The following COPS5 variants were observed in gnomAD, a reference collection of about 807,000 sequenced individuals.
COPS5 encodes COP9 signalosome complex subunit 5.
A neutral mutation model predicts 44.4 loss-of-function variants in COPS5; 8 were observed. That is an observed-to-expected ratio of 0.18 (90% CI 0.11 to 0.32). COPS5 has a LOEUF of 0.32. Ranked by LOEUF, COPS5 falls within the 10% of genes least tolerant of loss-of-function variation. COPS5 has a pLI of 1.00. For synonymous variants in COPS5, 122 were observed against 142.8 expected (o/e 0.85, Z 1.04); for missense variants, 159 against 406.4 (o/e 0.39, Z 5.23).
At chr8:67,052,210 T>C (rs1417242904) in intron 5 of COPS5, among the ~76,000 whole-genome samples, 1 of 151,986 alleles carries the variant, frequency 6.6e-6, no homozygotes, top group Non-Finnish European at 1.5e-5. Flanking sequence ...AGGTGTAGGG[T>C]AAACATTTTT....
At chr8:67,055,923 A>T (rs77590777) in intron 5 of COPS5, among the ~76,000 whole-genome samples, 1 of 151,872 alleles carries the variant, frequency 6.6e-6, no homozygotes, top group African/African-American at 2.4e-5. Flanking sequence ...TTACACTTTT[A>T]TAACTTTGAC....
intron 6 of COPS5, among the ~76,000 whole-genome samples, chr8:67,047,050 A>G (rs1318242247): frequency 2.6e-5 from 4 of 152,138 alleles, no homozygotes; most frequent in Admixed American, 2.6e-4. Context: ...TTTATGGGGT[A>G]TCACTTTTTA....
At chr8:67,061,725 C>A (rs1444215500) in intron 1 of COPS5, 129 bp downstream of exon 1, 2 of 916,340 alleles carry the variant, frequency 2.2e-6, no homozygotes, top group Non-Finnish European at 3.4e-6. Context: ...ACTTGCAGAT[C>A]CAAGACGCAT....
intron 6 of COPS5, 140 bp downstream of exon 6, chr8:67,051,090 T>G (rs1804406692): frequency 1.6e-6 from 1 of 627,356 alleles, no homozygotes; most frequent in South Asian, 1.9e-5. Flanking sequence ...AATCCAGCTG[T>G]GGTGGTGCAG....
chr8:67,048,690 G>A (rs1016656516), intron 6 of COPS5, among the ~76,000 whole-genome samples: 62 of 149,840 alleles, frequency 4.1e-4, no homozygotes, highest in African/African-American at 1.3e-3. Context: ...CACTCCAGCC[G>A]GGGTGACAGA....
chr8:67,056,020 G>T (rs1348055036), intron 5 of COPS5, among the ~76,000 whole-genome samples: 1 of 152,138 alleles, frequency 6.6e-6, no homozygotes, highest in Non-Finnish European at 1.5e-5. Flanking sequence ...TTTGAGGGCT[G>T]CAGACATGCT....
intron 6 of COPS5, among the ~76,000 whole-genome samples, chr8:67,048,360 C>T (rs1816726222): frequency 6.6e-6 from 1 of 150,820 alleles, no homozygotes; most frequent in Non-Finnish European, 1.5e-5. Flanking sequence ...AAAAAAAGAA[C>T]AGAAAGCTTG....
At chr8:67,047,856 GCCTCTAAGGAA>G (rs754045661) in intron 6 of COPS5, 1 of 702,488 alleles carries the variant, frequency 1.4e-6, no homozygotes, top group Non-Finnish European at 2.6e-6. Flanking sequence ...TAATATACTT[GCCTCTAAGGAA>G]ACAACACATA....
intron 7 of COPS5, chr8:67,045,462 AAAG>A (rs1816688550): frequency 6.0e-6 from 1 of 167,330 alleles, no homozygotes; most frequent in Admixed American, 6.1e-5. Flanking sequence ...TCAAAAAAAA[AAAG>A]AAATCCTAGT....
At position 67,061,976 on chromosome 8, in the gene COPS5, A is replaced by C. The variant is rs565047592; in HGVS notation, c.21T>G (p.Gly7=). The C allele has an allele frequency of 6.2e-7, 1 of 1,614,158 alleles. No individual in the cohort carries two copies. Among genetic ancestry groups the C allele is most frequent in the African/African-American group, 1.3e-5 (1 of 75,036 alleles). MAASGS[G]MAQKTWELAN... ...CCAGTTCCCAGGTTTTCTGGGCCAT[A>C]CCGCTCCCGGACGCCGCCATCGCCG... The change falls in exon 1 of 8, where the codon GGT becomes GGG. Residue 7 remains glycine, a synonymous_variant. Coordinates refer to ENST00000357849, the MANE Select transcript of COPS5 (RefSeq NM_006837.3).
At chr8:67,052,419 A>ATT (rs1284831418) in intron 5 of COPS5, among the ~76,000 whole-genome samples, 4 of 141,220 alleles carry the variant, frequency 2.8e-5, no homozygotes, top group African/African-American at 7.8e-5. Context: ...AAGGTTAAGA[A>ATT]TTTTTTTTTT....
At position 67,043,138 on chromosome 8, in the gene COPS5, ATACTTC is replaced by A; in HGVS notation, c.*89_*94del. ...TATTTAGGACACTTCAGAGCACCTT[ATACTTC>A]TAATCAGATTTTGGGTAACTGGTTT... On this transcript the variant is annotated 3_prime_UTR_variant, in exon 8 of 8. Transcript: ENST00000357849. The A allele has an allele frequency of 1.4e-6, 1 of 699,282 alleles. No individual in the cohort carries two copies. The highest frequency in any genetic ancestry group is 1.7e-5 in the South Asian group (1 of 58,892). The allele number at this position is 699,282 out of a possible 1,614,324, so 43.3% of individuals were successfully genotyped here. A position where few individuals can be genotyped will look rare whatever the true frequency, so the allele number is the denominator to read the frequency against.
chr8:67,050,561 G>A (rs1425624177), intron 6 of COPS5, among the ~76,000 whole-genome samples: 1 of 146,590 alleles, frequency 6.8e-6, no homozygotes, highest in African/African-American at 2.5e-5. Context: ...GAGTGTGAGT[G>A]TGTGTGTGTG....
At chr8:67,055,901 T>C (rs1804496787) in intron 5 of COPS5, among the ~76,000 whole-genome samples, 1 of 152,012 alleles carries the variant, frequency 6.6e-6, no homozygotes, top group South Asian at 2.1e-4. Context: ...CAGTGGTTTT[T>C]AGTAAGAATT....
intron 6 of COPS5, chr8:67,047,762 G>A: frequency 1.4e-6 from 1 of 702,026 alleles, no homozygotes; most frequent in Non-Finnish European, 2.6e-6. Context: ...AGGTAGATCT[G>A]CTTGCCTCAT....
chr8:67,052,419 ATTTT>A (rs1284831418), intron 5 of COPS5, among the ~76,000 whole-genome samples: 1 of 141,232 alleles, frequency 7.1e-6, no homozygotes. Context: ...AAGGTTAAGA[ATTTT>A]TTTTTTTTTT....
At chr8:67,044,251 T>C (rs2129537689) in intron 7 of COPS5, 1 of 152,192 alleles carries the variant, frequency 6.6e-6, no homozygotes, top group South Asian at 2.1e-4. Context: ...TTTGCCATGT[T>C]GCCCAGGCTG....
Position 67,059,217 on chromosome 8 carries a change from T to C in COPS5, c.372A>G (p.Ala124=), listed in dbSNP as rs11557200. The C allele has an allele frequency of 0.053, 86,031 of 1,612,256 alleles. 5,591 individuals are homozygous for C. The highest frequency in any genetic ancestry group is 0.31 in the African/African-American group (23,398 of 74,900). ...TAAGAAACAACATTTTTACCTGTTT[T>C]GCATTTTCTATGTATGCAGCCATGT... ...YEYMAAYIEN[A]KQVGRLENAI... The change falls in exon 2 of 8, where the codon GCA becomes GCG. Residue 124 remains alanine (A), a synonymous_variant. Transcript: ENST00000357849.
chr8:67,050,614 A>AGTGTGTGTGTGTGT (rs5892073), intron 6 of COPS5, among the ~76,000 whole-genome samples: 2 of 141,150 alleles, frequency 1.4e-5, no homozygotes, highest in African/African-American at 5.2e-5. Context: ...TGAGTGTGAG[A>AGTGTGTGTGTGTGT]GTGTGTGTGT....
Sources: gnomAD v4.1 joint callset for allele counts (sites outside exome capture counted in the v4.1 genomes callset) on GRCh38, gnomAD v4.1.1 for gene constraint, MANE v1.5 for transcripts, NCBI Gene and HGNC (gene_info 2026-07-23, HGNC 2026-07-21) for gene names.